GALNT13: variants seen among roughly 807,000 people sequenced by gnomAD.
GALNT13 encodes the protein polypeptide N-acetylgalactosaminyltransferase 13.
In GALNT13, 28 loss-of-function variants were observed where a neutral mutation model predicts 64.2. The ratio of observed to expected loss-of-function variants is 0.44; its 90% CI spans 0.32 to 0.60. The LOEUF (loss-of-function observed/expected upper bound fraction) is 0.60. Among genes scored for constraint, GALNT13 ranks in the 20% least tolerant of loss-of-function variants. The pLI is 0.05. For missense variants in GALNT13, 577 were observed against 669.8 expected (o/e 0.86, Z 1.53); for synonymous variants, 214 against 224.6 (o/e 0.95, Z 0.42).
the GALNT13 span, among the ~76,000 whole-genome samples, chr2:153,390,288 A>C: frequency 6.6e-6 from 1 of 152,058 alleles, no homozygotes; most frequent in South Asian, 2.1e-4. Context: ...AGGGAGGGGA[A>C]CATCACACAC....
chr2:154,010,047 T>G (rs1156466503), intron 3 of GALNT13, among the ~76,000 whole-genome samples: 2 of 152,148 alleles, frequency 1.3e-5, no homozygotes. Context: ...TTTAATCAAA[T>G]TTAGGAGCTA....
the GALNT13 span, among the ~76,000 whole-genome samples, chr2:153,751,975 C>G: frequency 6.6e-6 from 1 of 151,116 alleles, no homozygotes; most frequent in Non-Finnish European, 1.5e-5. Context: ...TTTCTTGCTT[C>G]TCATTTTTTG....
At chr2:153,827,553 G>C in the GALNT13 span, among the ~76,000 whole-genome samples, 4 of 151,696 alleles carry the variant, frequency 2.6e-5, no homozygotes, top group Non-Finnish European at 5.9e-5. Context: ...ATGAACCCGG[G>C]AGGCGGAGCT....
At chr2:153,254,940 A>T in the GALNT13 span, among the ~76,000 whole-genome samples, 12 of 152,156 alleles carry the variant, frequency 7.9e-5, no homozygotes, top group Non-Finnish European at 1.3e-4. Flanking sequence ...AAAAATGTAT[A>T]TTCTGTTGAT....
At chr2:153,106,431 A>G in the GALNT13 span, among the ~76,000 whole-genome samples, 2 of 152,146 alleles carry the variant, frequency 1.3e-5, no homozygotes, top group Non-Finnish European at 2.9e-5. Context: ...AGTGAGTACC[A>G]TGCTTTCCAT....
the GALNT13 span, among the ~76,000 whole-genome samples, chr2:153,239,891 T>A: frequency 6.6e-6 from 1 of 152,276 alleles, no homozygotes; most frequent in East Asian, 1.9e-4. Flanking sequence ...TGAGTAGTTT[T>A]GGTATTAGTT....
At chr2:154,434,713 G>C (rs925305984) in intron 11 of GALNT13, among the ~76,000 whole-genome samples, 1 of 151,940 alleles carries the variant, frequency 6.6e-6, no homozygotes, top group African/African-American at 2.4e-5. Context: ...ATACTAGATA[G>C]CTCATAATTT....
the GALNT13 span, among the ~76,000 whole-genome samples, chr2:153,171,477 C>CA: frequency 2.0e-5 from 3 of 150,264 alleles, no homozygotes; most frequent in Non-Finnish European, 3.0e-5. Flanking sequence ...GAATGGCTAA[C>CA]AAAAAAAAAG....
the GALNT13 span, among the ~76,000 whole-genome samples, chr2:153,277,362 A>C: frequency 1.3e-5 from 2 of 152,046 alleles, no homozygotes; most frequent in Non-Finnish European, 2.9e-5. Flanking sequence ...AGTTTCATCT[A>C]TTTTGTTGCA....
chr2:153,551,614 T>C, the GALNT13 span, among the ~76,000 whole-genome samples: 1 of 152,196 alleles, frequency 6.6e-6, no homozygotes, highest in African/African-American at 2.4e-5. Flanking sequence ...GAATGTTGGA[T>C]GTGAGAATAG....
chr2:154,033,007 G>T (rs7565078), intron 3 of GALNT13, among the ~76,000 whole-genome samples: 30,559 of 151,164 alleles, frequency 0.2, 4,047 homozygotes, highest in Middle Eastern at 0.33. Flanking sequence ...TATTGGGTGC[G>T]AAAGATACAG....
chr2:154,173,205 A>T (rs1685460052), intron 4 of GALNT13, among the ~76,000 whole-genome samples: 1 of 151,938 alleles, frequency 6.6e-6, no homozygotes, highest in South Asian at 2.1e-4. Context: ...TTCAACAAAG[A>T]TATTGAGAAC....
intron 11 of GALNT13, among the ~76,000 whole-genome samples, chr2:154,429,236 G>C (rs1451584015): frequency 2.0e-5 from 3 of 152,130 alleles, no homozygotes; most frequent in African/African-American, 7.2e-5. Context: ...GGTATGTCAA[G>C]AGCCGACACA....
At chr2:154,395,480 A>G (rs1375653914) in intron 9 of GALNT13, among the ~76,000 whole-genome samples, 2 of 152,134 alleles carry the variant, frequency 1.3e-5, no homozygotes, top group East Asian at 3.8e-4. Flanking sequence ...AAATCAATAA[A>G]AATTAAGTTT....
At chr2:154,296,191 C>T (rs1447486430) in intron 8 of GALNT13, among the ~76,000 whole-genome samples, 3 of 152,178 alleles carry the variant, frequency 2.0e-5, no homozygotes, top group Non-Finnish European at 4.4e-5. Context: ...AGACCACTTC[C>T]TCCAAGGTTC....
chr2:153,843,624 G>T, the GALNT13 span, among the ~76,000 whole-genome samples: 2 of 152,236 alleles, frequency 1.3e-5, no homozygotes, highest in East Asian at 3.9e-4. Context: ...AACTTAGTCT[G>T]GCATTAACTC....
At chr2:154,364,586 T>C (rs766896415) in intron 9 of GALNT13, among the ~76,000 whole-genome samples, 10 of 152,258 alleles carry the variant, frequency 6.6e-5, no homozygotes, top group Non-Finnish European at 1.0e-4. Flanking sequence ...ATTTTAGAAT[T>C]AAACTTTTAA....
intron 2 of GALNT13, among the ~76,000 whole-genome samples, chr2:153,915,223 G>A (rs1689248954): frequency 6.6e-6 from 1 of 152,070 alleles, no homozygotes; most frequent in Admixed American, 6.6e-5. Context: ...GGGAATATGA[G>A]GATTTTTTTC....
chr2:154,088,764 T>C (rs1701657235), intron 3 of GALNT13, among the ~76,000 whole-genome samples: 1 of 152,160 alleles, frequency 6.6e-6, no homozygotes, highest in Non-Finnish European at 1.5e-5. Context: ...GTGCTTATTT[T>C]AAAATGAAAC....
Sources: gnomAD v4.1 joint callset for allele counts (sites outside exome capture counted in the v4.1 genomes callset) on GRCh38, gnomAD v4.1.1 for gene constraint, MANE v1.5 for transcripts, NCBI Gene and HGNC (gene_info 2026-07-23, HGNC 2026-07-21) for gene names.